The following DACH1 variants were observed in gnomAD, a reference collection of about 807,000 sequenced individuals.
DACH1 encodes dachshund family transcription factor 1.
In DACH1, 12 loss-of-function variants were observed where a neutral mutation model predicts 54.2. The observed-to-expected ratio is 0.22, with a 90% CI of 0.14 to 0.36. The LOEUF is 0.36. Ranked by LOEUF, DACH1 falls within the 10% of genes least tolerant of loss-of-function variation. The pLI is 1.00. For missense variants in DACH1, 805 were observed against 929.8 expected (o/e 0.87, Z 1.75); for synonymous variants, 386 against 366.2 (o/e 1.05, Z -0.62).
chr13:71,499,008 C>T (rs1318839418), intron 6 of DACH1, among the ~76,000 whole-genome samples: 6 of 151,950 alleles, frequency 3.9e-5, no homozygotes, highest in Non-Finnish European at 1.5e-5. Context: ...CTTGAGAACT[C>T]GGGTATCTGT....
chr13:71,700,773 G>T (rs1031051033), intron 1 of DACH1, among the ~76,000 whole-genome samples: 3 of 152,136 alleles, frequency 2.0e-5, no homozygotes, highest in Middle Eastern at 6.8e-3. Context: ...TGGAGTTAGG[G>T]TATACAATAA....
chr13:71,632,348 G>T (rs1345375579), intron 2 of DACH1, among the ~76,000 whole-genome samples: 1 of 150,906 alleles, frequency 6.6e-6, no homozygotes, highest in Admixed American at 6.6e-5. Context: ...ACACTGGAAT[G>T]TATAAATGAT....
chr13:71,801,602 G>A (rs903494731), intron 1 of DACH1, among the ~76,000 whole-genome samples: 10 of 152,044 alleles, frequency 6.6e-5, no homozygotes, highest in Admixed American at 2.0e-4. Flanking sequence ...AGTTTGAAAC[G>A]CATTAATTGA....
At chr13:71,727,282 C>A (rs190183126) in intron 1 of DACH1, among the ~76,000 whole-genome samples, 1 of 152,072 alleles carries the variant, frequency 6.6e-6, no homozygotes, top group Non-Finnish European at 1.5e-5. Context: ...CTTGGAGCTG[C>A]CTGCTACCCT....
chr13:71,730,957 A>T (rs1883713516), intron 1 of DACH1, among the ~76,000 whole-genome samples: 2 of 152,066 alleles, frequency 1.3e-5, no homozygotes, highest in African/African-American at 4.8e-5. Context: ...TCAGGAACCT[A>T]AAATTATATA....
intron 4 of DACH1, 123 bp downstream of exon 4, chr13:71,572,717 A>G: frequency 3.9e-6 from 4 of 1,036,824 alleles, no homozygotes; most frequent in Non-Finnish European, 5.4e-6. Context: ...ATTTTTTTTA[A>G]TAGTCTATTT....
intron 1 of DACH1, among the ~76,000 whole-genome samples, chr13:71,724,903 G>A (rs1428303944): frequency 6.6e-6 from 1 of 152,000 alleles, no homozygotes; most frequent in Non-Finnish European, 1.5e-5. Context: ...GAACCTTTAT[G>A]TTATAATGAA....
chr13:71,788,807 A>C (rs1289450996), intron 1 of DACH1, among the ~76,000 whole-genome samples: 1 of 152,102 alleles, frequency 6.6e-6, no homozygotes, highest in African/African-American at 2.4e-5. Context: ...CTGTTGTAAT[A>C]ACTTAAATAG....
At chr13:71,848,213 C>A (rs994222874) in intron 1 of DACH1, among the ~76,000 whole-genome samples, 5 of 122,594 alleles carry the variant, frequency 4.1e-5, no homozygotes, top group Admixed American at 2.6e-4. Flanking sequence ...TTATCCCCCC[C>A]CAAAAAAATG....
Position 71,471,648 on chromosome 13 carries a change from AG to A in DACH1, c.2083+3492del, listed in dbSNP as rs553557369. On this transcript the variant is annotated intron_variant, in intron 10 of 10. Transcript: ENST00000613252. ...ACGCCCGTAGTCCCAGCTACTCAGG[AG>A]GCTGAGGCAGGAGAATCGCTTGAAC... 6.2e-4 allele frequency among the ~76,000 whole-genome samples: 94 copies of A among 152,000 alleles called. 1 individual carries two copies. The highest frequency in any genetic ancestry group is 2.1e-3 in the African/African-American group (87 of 41,452).
At chr13:71,633,314 A>G (rs996422071) in intron 2 of DACH1, among the ~76,000 whole-genome samples, 2 of 152,192 alleles carry the variant, frequency 1.3e-5, no homozygotes, top group African/African-American at 4.8e-5. Flanking sequence ...GAGGAATGCC[A>G]CATCATGTTT....
Position 71,735,241 on chromosome 13 carries a change from C to CGTAT in DACH1, c.849-53335_849-53332dup, listed in dbSNP as rs1211246483. ...GATATACATATGTATATGGGATACA[C>CGTAT]GTATATGGGATATACGTGTATATGG... On this transcript the variant is annotated intron_variant, in intron 1 of 10. Transcript: ENST00000613252. Among the ~76,000 whole-genome samples, 9 of 140,700 alleles carry CGTAT rather than the reference C, an allele frequency of 6.4e-5. 1 individual carries two copies. The highest frequency in any genetic ancestry group is 2.1e-4 in the East Asian group (1 of 4,830). 92.3% of individuals were successfully genotyped at this position (140,700 alleles called of 152,430 possible).
intron 10 of DACH1, among the ~76,000 whole-genome samples, chr13:71,465,673 T>C (rs1876505094): frequency 6.6e-6 from 1 of 152,056 alleles, no homozygotes; most frequent in South Asian, 2.1e-4. Context: ...TAATAAAGGT[T>C]AAAAAAACTC....
intron 6 of DACH1, among the ~76,000 whole-genome samples, chr13:71,538,024 G>C (rs1882916247): frequency 6.6e-6 from 1 of 151,828 alleles, no homozygotes; most frequent in Non-Finnish European, 1.5e-5. Flanking sequence ...CTGAATTTTC[G>C]ATGAACCCTT....
At chr13:71,634,067 G>T (rs1877299228) in intron 2 of DACH1, among the ~76,000 whole-genome samples, 1 of 151,438 alleles carries the variant, frequency 6.6e-6, no homozygotes, top group South Asian at 2.1e-4. Flanking sequence ...CCGCCTCCAG[G>T]GTTCAAGCTC....
At chr13:71,469,946 T>C (rs1876924300) in intron 10 of DACH1, among the ~76,000 whole-genome samples, 1 of 152,042 alleles carries the variant, frequency 6.6e-6, no homozygotes, top group African/African-American at 2.4e-5. Flanking sequence ...AATAAAAGAG[T>C]TGTACTTTCA....
chr13:71,792,606 A>G (rs977029418), intron 1 of DACH1, among the ~76,000 whole-genome samples: 3 of 152,218 alleles, frequency 2.0e-5, no homozygotes, highest in African/African-American at 7.2e-5. Context: ...TTGAGAGTTC[A>G]ACCTGGTCAG....
intron 2 of DACH1, among the ~76,000 whole-genome samples, chr13:71,668,208 T>C (rs1879974516): frequency 6.6e-6 from 1 of 152,036 alleles, no homozygotes; most frequent in African/African-American, 2.4e-5. Context: ...ATAATCTTGA[T>C]AATATAGCAT....
At chr13:71,747,875 T>C (rs1482714748) in intron 1 of DACH1, among the ~76,000 whole-genome samples, 1 of 152,068 alleles carries the variant, frequency 6.6e-6, no homozygotes, top group Admixed American at 6.5e-5. Context: ...GACCGATAGG[T>C]AGGACTTTGG....
Sources: allele counts gnomAD v4.1 joint callset (sites outside exome capture counted in the v4.1 genomes callset), GRCh38; gene constraint gnomAD v4.1.1; transcripts MANE v1.5; gene names NCBI Gene and HGNC (gene_info 2026-07-23, HGNC 2026-07-21).